PLP2: variants seen among roughly 807,000 people sequenced by gnomAD.
PLP2 encodes the protein proteolipid protein 2.
PLP2 carries 8 observed loss-of-function variants against 11.4 expected under a neutral mutation model. That is an observed-to-expected ratio of 0.70 (90% CI 0.41 to 1.27). The LOEUF (loss-of-function observed/expected upper bound fraction) is 1.27. Ranked by LOEUF, PLP2 falls within the 50% of genes most tolerant of loss-of-function variation. The pLI is 0.01. For missense variants in PLP2, 127 were observed against 123.5 expected (o/e 1.03, Z -0.14); for synonymous variants, 50 against 53.2 (o/e 0.94, Z 0.26).
Position 49,174,850 on chromosome X carries a change from C to T in PLP2, c.*156C>T, listed in dbSNP as rs1367646949. On this transcript the variant is annotated 3_prime_UTR_variant, in exon 5 of 5. Transcript: ENST00000376327. ...GGGAGACTTTTGTCTTCCAGCCTGC[C>T]AATCAACCCTCCTGGGTGTGGCCAC... The T allele has an allele frequency of 3.8e-6, 2 of 529,731 alleles. No individual in the cohort carries two copies. Among genetic ancestry groups the T allele is most frequent in the Non-Finnish European group, 6.8e-6 (2 of 295,696 alleles). 43.7% of individuals were successfully genotyped at this position (529,731 alleles called of 1,213,427 possible). A position where few individuals can be genotyped will look rare whatever the true frequency, so the allele number is the denominator to read the frequency against.
chrX:49,174,604 T>G, intron 4 of PLP2, 68 bp from the exon 5 acceptor site: 1 of 1,048,615 alleles, frequency 9.5e-7, no homozygotes, highest in Non-Finnish European at 1.3e-6. Context: ...TTCATGGACT[T>G]TGGATCTTGT....
chrX:49,173,053 T>C (rs2065397777), intron 1 of PLP2, 76 bp from the exon 2 acceptor site: 4 of 966,703 alleles, frequency 4.1e-6, no homozygotes, highest in Non-Finnish European at 5.9e-6. Flanking sequence ...CATCTTAGTA[T>C]GGGACCCCCA....
intron 3 of PLP2, 118 bp from the exon 4 acceptor site, chrX:49,174,217 G>A (rs1013440986): frequency 1.6e-5 from 9 of 559,139 alleles, no homozygotes; most frequent in South Asian, 4.9e-5. Flanking sequence ...TTACCAACCC[G>A]GTGCTTGAGT....
At chrX:49,172,518 C>A (rs782125080) in intron 1 of PLP2, among the ~76,000 whole-genome samples, 1 of 112,139 alleles carries the variant, frequency 8.9e-6, no homozygotes, top group East Asian at 2.8e-4. Context: ...GCGCTAGTCC[C>A]GCGGTGTAGA....
In PLP2 at chrX:49,171,932, G is replaced by A. The variant is rs2065393968; in HGVS notation, c.-69G>A. The A allele has an allele frequency of 1.3e-6, 1 of 766,660 alleles. No individual in the cohort carries two copies. The highest frequency in any genetic ancestry group is 2.0e-6 in the Non-Finnish European group (1 of 505,713). 63.2% of individuals were successfully genotyped at this position (766,660 alleles called of 1,213,427 possible). On this transcript the variant is annotated 5_prime_UTR_variant, in exon 1 of 5. Transcript: ENST00000376327. The stretch of plus-strand genomic sequence containing the variant: ...CAGACGGCGGGCAAGACAGCTGGGT[G>A]TACAGCGTCCTCGAAACCACGAGCA...
At position 49,171,973 on chromosome X, in the gene PLP2, C is replaced by T. The variant is rs782542162; in HGVS notation, c.-28C>T. On this transcript the variant is annotated 5_prime_UTR_variant, in exon 1 of 5. Transcript: ENST00000376327. ...ACCACGAGCAAGTGAGCAGATCCTC[C>T]GAGGCACCAGGGACTCCAGCCCATG... The T allele has an allele frequency of 3.8e-6, 4 of 1,054,901 alleles. No individual in the cohort carries two copies. The highest frequency in any genetic ancestry group is 2.5e-4 in the Middle Eastern group (1 of 4,028). The allele number at this position is 1,054,901 out of a possible 1,213,427, so 86.9% of individuals were successfully genotyped here. A position where few individuals can be genotyped will look rare whatever the true frequency, so the allele number is the denominator to read the frequency against.
At position 49,173,426 on chromosome X, in the gene PLP2, G is replaced by A. The variant is rs1223158707; in HGVS notation, c.288G>A (p.Leu96=). Residue 96 remains leucine, a synonymous_variant, in exon 3 of 5, where the codon CTG becomes CTA. Coordinates refer to ENST00000376327, the MANE Select transcript of PLP2 (RefSeq NM_002668.3). ...FRTLIAAILY[L]ITSIVVLVER... ...CCCTCATAGCGGCAATCCTCTACCT[G>A]ATCACCTCCATTGTTGTCCTTGTTG... The A allele has an allele frequency of 1.7e-6, 2 of 1,209,666 alleles. No individual in the cohort carries two copies. Among genetic ancestry groups the A allele is most frequent in the East Asian group, 3.0e-5 (1 of 33,769 alleles).
In PLP2 at chrX:49,174,783, G is replaced by A. The variant is rs2065406118; in HGVS notation, c.*89G>A. The A allele has an allele frequency of 1.3e-6, 1 of 788,072 alleles. No individual in the cohort carries two copies. The highest frequency in any genetic ancestry group is 2.2e-5 in the South Asian group (1 of 46,040). The allele number at this position is 788,072 out of a possible 1,213,427, so 64.9% of individuals were successfully genotyped here. A position where few individuals can be genotyped will look rare whatever the true frequency, so the allele number is the denominator to read the frequency against. ...CACCCCAACAACAACATTCCCAGCA[G>A]ACCAACTCCCACCCCCTCTTTGAGG... is the stretch of plus-strand genomic sequence containing the variant. On this transcript the variant is annotated 3_prime_UTR_variant, in exon 5 of 5. Coordinates refer to ENST00000376327, the MANE Select transcript of PLP2 (RefSeq NM_002668.3).
rs782274205 is a variant in PLP2 at position 49,174,726 on chromosome X, C to T, written c.*32C>T. 9.7e-6 allele frequency: 11 copies of T among 1,135,595 alleles called. No individual in the cohort carries two copies. The Admixed American group carries it at 2.4e-4, about 25-fold the overall frequency. 93.6% of individuals were successfully genotyped at this position (1,135,595 alleles called of 1,213,427 possible). Reference sequence around the variant, plus strand: ...TTCCCTCATTTCTCTCTGCAATCTGCAAATAACTCCTCCATTGAAATAACT... The same window carrying T: ...TTCCCTCATTTCTCTCTGCAATCTGTAAATAACTCCTCCATTGAAATAACT... On this transcript the variant is annotated 3_prime_UTR_variant, in exon 5 of 5. Transcript: ENST00000376327.
intron 1 of PLP2, 70 bp from the exon 2 acceptor site, chrX:49,173,059 C>T: frequency 9.8e-7 from 1 of 1,015,691 alleles, no homozygotes; most frequent in Non-Finnish European, 1.4e-6. Flanking sequence ...AGTATGGGAC[C>T]CCCAATTTAA....
chrX:49,173,642 C>T lies in PLP2; in HGVS notation c.345+159C>T, dbSNP rs781955997. 3.7e-6 allele frequency: 4 copies of T among 1,074,796 alleles called. No homozygotes were observed. The East Asian group carries it at 1.3e-4, about 35-fold the overall frequency. The allele number at this position is 1,074,796 out of a possible 1,213,427, so 88.6% of individuals were successfully genotyped here. ...TCTGGCCCAGGACTTGGTTTTGCCTCCCAAGGTCTTCATTTGCTGTGAAGG... is the reference window on the plus strand; with the variant it reads ...TCTGGCCCAGGACTTGGTTTTGCCTTCCAAGGTCTTCATTTGCTGTGAAGG... On this transcript the variant is annotated intron_variant, in intron 3 of 4. Coordinates refer to ENST00000376327, the MANE Select transcript of PLP2 (RefSeq NM_002668.3).
At chrX:49,173,101 G>T in intron 1 of PLP2, 28 bp from the exon 2 acceptor site, 1 of 1,203,914 alleles carries the variant, frequency 8.3e-7, no homozygotes, top group Non-Finnish European at 1.1e-6. Flanking sequence ...TGCTGATTGA[G>T]GTCCCCTTTC....
At chrX:49,174,194 G>A (rs2065402521) in intron 3 of PLP2, 141 bp from the exon 4 acceptor site, 2 of 516,998 alleles carry the variant, frequency 3.9e-6, no homozygotes, top group Admixed American at 5.3e-5. Context: ...CACTCTCTTG[G>A]CCTTTCCCTG....
chrX:49,173,696 G>T, intron 3 of PLP2: 1 of 739,845 alleles, frequency 1.4e-6, no homozygotes. Context: ...CAAGGACCTT[G>T]GTGAGAGGTA....
rs1411662528 is a variant in PLP2, at chrX:49,171,903, C to G, written c.-98C>G. 4.7e-6 allele frequency: 3 copies of G among 635,690 alleles called. No homozygotes were observed. Among genetic ancestry groups the G allele is most frequent in the African/African-American group, 4.3e-5 (2 of 46,099 alleles). 52.4% of individuals were successfully genotyped at this position (635,690 alleles called of 1,213,427 possible). On this transcript the variant is annotated 5_prime_UTR_variant, in exon 1 of 5. Transcript: ENST00000376327. ...CTCCTTCGCCCCGGGGCCCCCTTCCCGGCCAGACGGCGGGCAAGACAGCTG... is the reference window on the plus strand; with the variant it reads ...CTCCTTCGCCCCGGGGCCCCCTTCCGGGCCAGACGGCGGGCAAGACAGCTG...
chrX:49,174,759 A>T lies in PLP2; in HGVS notation c.*65A>T. ...TCCTCCATTGAAATAACTCCTCCCC[A>T]CCCCAACAACAACATTCCCAGCAGA... On this transcript the variant is annotated 3_prime_UTR_variant, in exon 5 of 5. Coordinates refer to ENST00000376327, the MANE Select transcript of PLP2 (RefSeq NM_002668.3). 2.1e-6 allele frequency: 2 copies of T among 931,597 alleles called. No individual in the cohort carries two copies. The highest frequency in any genetic ancestry group is 3.1e-6 in the Non-Finnish European group (2 of 646,421). The allele number at this position is 931,597 out of a possible 1,213,427, so 76.8% of individuals were successfully genotyped here.
intron 4 of PLP2, 103 bp from the exon 5 acceptor site, chrX:49,174,569 C>T: frequency 1.1e-6 from 1 of 906,906 alleles, no homozygotes; most frequent in Non-Finnish European, 1.6e-6. Flanking sequence ...GTACCATAAG[C>T]TTCGGTATTC....
chrX:49,173,478 G>A lies in PLP2; in HGVS notation c.340G>A (p.Ala114Thr). ...GAGAGGAAACCACTCCAAAATCGTC[G>A]CAGGGGTAAAGGCCATGGGAGCAGC... ...VERGNHSKIV[A>T]GVLGLIATCL... Residue 114 changes from alanine to threonine, a missense_variant, in exon 3 of 5, where the codon GCA (alanine) becomes ACA (threonine). Transcript: ENST00000376327. 1 of 1,211,735 alleles carries A rather than the reference G, an allele frequency of 8.3e-7. No homozygotes were observed. The highest frequency in any genetic ancestry group is 1.1e-6 in the Non-Finnish European group (1 of 895,534).
rs372772986 is a variant in PLP2, at chrX:49,174,977, G to A, written c.*283G>A. Reference sequence around the variant, plus strand: ...TAAGTCACAAAATGAGGGAAGTGGGGAGTTAGATTTCAGAGTCCAGGCCCT... The same window carrying A: ...TAAGTCACAAAATGAGGGAAGTGGGAAGTTAGATTTCAGAGTCCAGGCCCT... On this transcript the variant is annotated 3_prime_UTR_variant, in exon 5 of 5. Transcript: ENST00000376327. 4.2e-5 allele frequency: 18 copies of A among 430,029 alleles called. No individual in the cohort carries two copies. Among genetic ancestry groups the A allele is most frequent in the African/African-American group, 3.7e-4 (15 of 40,404 alleles). The allele number at this position is 430,029 out of a possible 1,213,427, so 35.4% of individuals were successfully genotyped here.
Sources: gnomAD v4.1 joint callset for allele counts (sites outside exome capture counted in the v4.1 genomes callset) on GRCh38, gnomAD v4.1.1 for gene constraint, MANE v1.5 for transcripts, NCBI Gene and HGNC (gene_info 2026-07-23, HGNC 2026-07-21) for gene names.